Variants in PRDM2 observed in about 807,000 individuals in gnomAD.
PRDM2 encodes the protein PR/SET domain 2.
A neutral mutation model predicts 130.0 loss-of-function variants in PRDM2; 30 were observed. The observed-to-expected ratio is 0.23, with a 90% CI of 0.17 to 0.31. The LOEUF is 0.31. PRDM2 is among the 10% of genes least tolerant of loss of function. The pLI is 1.00. For missense variants in PRDM2, 2,011 were observed against 2,108.4 expected (o/e 0.95, Z 0.90); for synonymous variants, 871 against 782.4 (o/e 1.11, Z -1.89).
chr1:13,805,879 C>T (rs1008568258), intron 8 of PRDM2, among the ~76,000 whole-genome samples: 1 of 152,086 alleles, frequency 6.6e-6, no homozygotes, highest in African/African-American at 2.4e-5. Flanking sequence ...ACCGTGGCCA[C>T]GTGGGGACCC....
intron 4 of PRDM2, among the ~76,000 whole-genome samples, chr1:13,735,938 A>C (rs1203654): frequency 0.35 from 53,733 of 152,008 alleles, 9,989 homozygotes; most frequent in Admixed American, 0.5. Context: ...CTCCCTGCTT[A>C]GCTGCTTCTC....
chr1:13,708,486 A>G (rs1642273985), intron 1 of PRDM2, among the ~76,000 whole-genome samples: 1 of 152,086 alleles, frequency 6.6e-6, no homozygotes, highest in Non-Finnish European at 1.5e-5. Context: ...AATCTGTTAC[A>G]TGGAAACTGT....
At chr1:13,746,250 A>AT (rs1460039323) in intron 5 of PRDM2, among the ~76,000 whole-genome samples, 2 of 151,218 alleles carry the variant, frequency 1.3e-5, no homozygotes, top group East Asian at 3.9e-4. Flanking sequence ...TTTTGACTTT[A>AT]TTTTTTTAAT....
Position 13,801,750 on chromosome 1 carries a change from C to T in PRDM2, c.5037-14677C>T, listed in dbSNP as rs141048206. On this transcript the variant is annotated intron_variant, in intron 8 of 9. Coordinates refer to ENST00000311066, the MANE Select transcript of PRDM2 (RefSeq NM_001393986.1). The stretch of plus-strand genomic sequence containing the variant: ...ATTATGAGGACAAATACAGCGTCTG[C>T]GGGAACCAGTTCCACTGAACCTGGT... 5.9e-3 allele frequency among the ~76,000 whole-genome samples: 893 copies of T among 152,348 alleles called. 3 individuals carry two copies. The highest frequency in any genetic ancestry group is 9.7e-3 in the Non-Finnish European group (661 of 68,034).
chr1:13,709,233 T>C (rs1056409279), intron 1 of PRDM2, among the ~76,000 whole-genome samples: 5 of 151,962 alleles, frequency 3.3e-5, no homozygotes, highest in Non-Finnish European at 7.4e-5. Context: ...CACATAAAAA[T>C]AGATTCAAGG....
At chr1:13,705,139 G>A (rs1431215387) in intron 1 of PRDM2, 1 of 152,188 alleles carries the variant, frequency 6.6e-6, no homozygotes, top group Non-Finnish European at 1.5e-5. Context: ...ATCAAGAATG[G>A]AGTACGAGTG....
At chr1:13,715,520 A>G (rs1642505887) in intron 1 of PRDM2, 21 bp from the exon 2 acceptor site, 1 of 1,234,160 alleles carries the variant, frequency 8.1e-7, no homozygotes, top group Non-Finnish European at 1.1e-6. Context: ...ACATATTACA[A>G]TTGTCTGTTT....
intron 2 of PRDM2, among the ~76,000 whole-genome samples, chr1:13,728,144 T>TA: frequency 6.6e-6 from 1 of 152,150 alleles, no homozygotes; most frequent in Non-Finnish European, 1.5e-5. Context: ...CCCTCCTTTT[T>TA]AAAAAAAGCT....
intron 8 of PRDM2, chr1:13,787,976 TAAAA>T: frequency 1.0e-6 from 1 of 985,300 alleles, no homozygotes; most frequent in Non-Finnish European, 1.2e-6. Flanking sequence ...TCAGATGTAT[TAAAA>T]AAAGATTTGT....
chr1:13,809,748 G>A (rs72869962), intron 8 of PRDM2, among the ~76,000 whole-genome samples: 1,859 of 152,292 alleles, frequency 0.012, 38 homozygotes, highest in African/African-American at 0.042. Context: ...TCCAGACCCC[G>A]TGTTCAGATC....
intron 7 of PRDM2, chr1:13,773,529 TAGTG>T (rs1185829126): frequency 1.2e-5 from 2 of 161,742 alleles, no homozygotes; most frequent in South Asian, 2.0e-4. Flanking sequence ...CCGGGCAACA[TAGTG>T]AGACCCTGTT....
At chr1:13,755,126 A>T (rs1484807970) in intron 6 of PRDM2, among the ~76,000 whole-genome samples, 1 of 152,152 alleles carries the variant, frequency 6.6e-6, no homozygotes, top group Non-Finnish European at 1.5e-5. Flanking sequence ...CGGGAATTAT[A>T]AAAAATTTGC....
chr1:13,736,796 A>G (rs1306150993), intron 4 of PRDM2, among the ~76,000 whole-genome samples: 1 of 152,076 alleles, frequency 6.6e-6, no homozygotes, highest in Non-Finnish European at 1.5e-5. Context: ...TGTTAAAAAT[A>G]TCTATTTTTG....
Position 13,749,415 on chromosome 1 carries a change from G to A in PRDM2, c.439G>A (p.Glu147Lys), listed in dbSNP as rs1439882831. The change falls in exon 6 of 10, where the codon GAG (glutamate) becomes AAG (lysine). Residue 147 changes from glutamate to lysine, a missense_variant. Around this residue, in one of 5 missense-constraint regions of PRDM2, gnomAD observed 1,288 missense variants for 1,237.7 expected, o/e 1.04. Transcript: ENST00000311066. ...CTGGTACAATGGGGAAGACAACCCT[G>A]AGATAGCAGCTGCGATTGAGGAAGA... ...LVWYNGEDNP[E>K]IAAAIEEERA... The A allele has an allele frequency of 1.3e-6, 2 of 1,509,368 alleles. No homozygotes were observed. Among genetic ancestry groups the A allele is most frequent in the Admixed American group, 1.8e-5 (1 of 54,894 alleles). The allele number at this position is 1,509,368 out of a possible 1,614,324, so 93.5% of individuals were successfully genotyped here. A position where few individuals can be genotyped will look rare whatever the true frequency, so the allele number is the denominator to read the frequency against.
intron 8 of PRDM2, among the ~76,000 whole-genome samples, chr1:13,790,064 G>A (rs953304224): frequency 2.1e-5 from 3 of 146,174 alleles, no homozygotes; most frequent in African/African-American, 7.3e-5. Context: ...CTTCAACACC[G>A]TGGGTTCCAC....
intron 8 of PRDM2, among the ~76,000 whole-genome samples, chr1:13,800,353 T>C (rs1021008553): frequency 6.6e-6 from 1 of 152,116 alleles, no homozygotes; most frequent in Non-Finnish European, 1.5e-5. Context: ...CTGGCACCCA[T>C]GGGAGGAGTG....
chr1:13,808,288 G>A (rs1419172674), intron 8 of PRDM2, among the ~76,000 whole-genome samples: 3 of 151,970 alleles, frequency 2.0e-5, no homozygotes, highest in Admixed American at 6.6e-5. Flanking sequence ...TCAGGAGATC[G>A]AGACCATCCT....
At chr1:13,777,340 T>C (rs561034211) in intron 7 of PRDM2, among the ~76,000 whole-genome samples, 1 of 152,172 alleles carries the variant, frequency 6.6e-6, no homozygotes, top group South Asian at 2.1e-4. Flanking sequence ...GGGTTCACTA[T>C]CTTCCTTGTA....
At position 13,779,784 on chromosome 1, in the gene PRDM2, C is replaced by G; in HGVS notation, c.1989C>G (p.Cys663Trp). The change falls in exon 8 of 10, where the codon TGC (cysteine) becomes TGG (tryptophan). Residue 663 changes from cysteine to tryptophan, a missense_variant. Physicochemically the swap from Cys to Trp is radical, Grantham distance 215 (BLOSUM62 -2). This residue lies in a region of PRDM2 where 1,288 missense variants were observed against 1,237.7 expected (regional missense o/e 1.04). Coordinates refer to ENST00000311066, the MANE Select transcript of PRDM2 (RefSeq NM_001393986.1). The surrounding 1 kb of genome is among the most constrained non-coding windows in gnomAD (Gnocchi z 4.9). ...ACTCTGACCCCATGGTCCCCTCTTG[C>G]TCTTTAAGTCTTCCTCTTAGCATAT... Reference protein sequence around the residue: ...ETDSDPMVPSCSLSLPLSIST... With the variant: ...ETDSDPMVPSWSLSLPLSIST... The G allele has an allele frequency of 6.2e-7, 1 of 1,614,210 alleles. No individual in the cohort carries two copies. The highest frequency in any genetic ancestry group is 8.5e-7 in the Non-Finnish European group (1 of 1,180,036).
Sources: gnomAD v4.1 joint callset for allele counts (sites outside exome capture counted in the v4.1 genomes callset) on GRCh38, gnomAD v4.1.1 for gene constraint, gnomAD v4.1.1 regional missense constraint, Gnocchi (gnomAD v3.1) non-coding constraint, MANE v1.5 for transcripts, NCBI Gene and HGNC (gene_info 2026-07-23, HGNC 2026-07-21) for gene names.